GNAI1: variants seen among roughly 807,000 people sequenced by gnomAD.
GNAI1 encodes the protein guanine nucleotide-binding protein G(i) subunit alpha-1.
GNAI1 carries 11 observed loss-of-function variants against 38.9 expected under a neutral mutation model. The observed-to-expected ratio is 0.28, with a 90% CI of 0.18 to 0.47. The LOEUF (loss-of-function observed/expected upper bound fraction) is 0.47. Among genes scored for constraint, GNAI1 ranks in the 20% least tolerant of loss-of-function variants. The pLI, the probability that GNAI1 is intolerant of heterozygous loss-of-function variation, is 0.99. For missense variants in GNAI1, 317 were observed against 436.9 expected (o/e 0.73, Z 2.45); for synonymous variants, 166 against 145.1 (o/e 1.14, Z -1.04).
intron 1 of GNAI1, among the ~76,000 whole-genome samples, chr7:80,162,458 T>C (rs908135134): frequency 2.0e-5 from 3 of 152,222 alleles, no homozygotes; most frequent in African/African-American, 7.2e-5. Context: ...AATGTGCTTC[T>C]CAAACTGAAG....
At chr7:80,183,693 A>G (rs565352825) in intron 1 of GNAI1, among the ~76,000 whole-genome samples, 75 of 152,166 alleles carry the variant, frequency 4.9e-4, no homozygotes, top group African/African-American at 1.5e-3. Flanking sequence ...TTTGTTTTAA[A>G]CTTTACCAGC....
At position 80,219,300 on chromosome 7, in the gene GNAI1, G is replaced by T. The variant is rs1201001582; in HGVS notation, c.*1807G>T. The stretch of plus-strand genomic sequence containing the variant: ...AATCATGAGAATTATGGGTTAAAAA[G>T]CCACAAAGAAGCACATATTGGTGAC... On this transcript the variant is annotated 3_prime_UTR_variant, in exon 8 of 8. Transcript: ENST00000649796. 1 of 152,458 alleles carries T rather than the reference G, an allele frequency of 6.6e-6. No homozygotes were observed. The highest frequency in any genetic ancestry group is 2.4e-5 in the African/African-American group (1 of 41,394). 9.4% of individuals were successfully genotyped at this position (152,458 alleles called of 1,614,324 possible). A position where few individuals can be genotyped will look rare whatever the true frequency, so the allele number is the denominator to read the frequency against.
At chr7:80,164,625 T>G (rs1787983060) in intron 1 of GNAI1, among the ~76,000 whole-genome samples, 1 of 152,104 alleles carries the variant, frequency 6.6e-6, no homozygotes, top group South Asian at 2.1e-4. Flanking sequence ...GCCTCCCCAC[T>G]TTCTTTTTGA....
chr7:80,172,387 A>C (rs1788111389), intron 1 of GNAI1, among the ~76,000 whole-genome samples: 1 of 152,210 alleles, frequency 6.6e-6, no homozygotes, highest in Non-Finnish European at 1.5e-5. Flanking sequence ...TGCAGAGGGA[A>C]GTTTCCTTTG....
At chr7:80,151,989 C>CA (rs1206400599) in intron 1 of GNAI1, among the ~76,000 whole-genome samples, 3 of 152,220 alleles carry the variant, frequency 2.0e-5, no homozygotes, top group Non-Finnish European at 4.4e-5. Flanking sequence ...ATGAAGTTGA[C>CA]ATGTTTATTT....
intron 4 of GNAI1, among the ~76,000 whole-genome samples, chr7:80,200,613 G>C (rs1322756343): frequency 6.6e-6 from 1 of 152,082 alleles, no homozygotes; most frequent in Non-Finnish European, 1.5e-5. Flanking sequence ...ATAAATAAAT[G>C]AGGTGTGCCT....
At chr7:80,162,242 C>T (rs1787937406) in intron 1 of GNAI1, among the ~76,000 whole-genome samples, 1 of 152,108 alleles carries the variant, frequency 6.6e-6, no homozygotes. Context: ...CTTCTAGTTT[C>T]CAGAACTATC....
rs566711832 is a variant in GNAI1 at position 80,135,780 on chromosome 7, C to A, written c.118+502C>A. 1,363 of 983,582 alleles carry A rather than the reference C, an allele frequency of 1.4e-3. 1 individual carries two copies. Among genetic ancestry groups the A allele is most frequent in the Non-Finnish European group, 1.5e-3 (1,274 of 830,240 alleles). 60.9% of individuals were successfully genotyped at this position (983,582 alleles called of 1,614,324 possible). A position where few individuals can be genotyped will look rare whatever the true frequency, so the allele number is the denominator to read the frequency against. ...GAAATCAGTGCACCTTTTGTGGGGC[C>A]TCTGAGATGGGGCTGAAGCGTCTTT... is the stretch of plus-strand genomic sequence containing the variant. On this transcript the variant is annotated intron_variant, in intron 1 of 7. Coordinates refer to ENST00000649796, the MANE Select transcript of GNAI1 (RefSeq NM_002069.6).
chr7:80,200,966 G>A lies in GNAI1; in HGVS notation c.461+1584G>A, dbSNP rs1358583259. 2.6e-5 allele frequency among the ~76,000 whole-genome samples: 4 copies of A among 151,974 alleles called. No homozygotes were observed. The South Asian group carries it at 6.2e-4, about 24-fold the overall frequency. ...TCTTCAGCTTTACATTTATTTTGAG[G>A]TTATTTTGTTCCTGTTTATGTTGTG... On this transcript the variant is annotated intron_variant, in intron 4 of 7. Coordinates refer to ENST00000649796, the MANE Select transcript of GNAI1 (RefSeq NM_002069.6).
intron 6 of GNAI1, among the ~76,000 whole-genome samples, chr7:80,212,217 A>G (rs1413475398): frequency 4.6e-5 from 7 of 152,180 alleles, no homozygotes; most frequent in Non-Finnish European, 7.4e-5. Flanking sequence ...GCCCTCTTTG[A>G]TGAGCACAGA....
intron 1 of GNAI1, among the ~76,000 whole-genome samples, chr7:80,175,366 G>C (rs1026847201): frequency 6.8e-6 from 1 of 148,058 alleles, no homozygotes; most frequent in Non-Finnish European, 1.5e-5. Flanking sequence ...GTATATTTAT[G>C]TGTGTGTGTG....
chr7:80,168,542 C>T (rs1406837070), intron 1 of GNAI1, among the ~76,000 whole-genome samples: 1 of 152,122 alleles, frequency 6.6e-6, no homozygotes, highest in Non-Finnish European at 1.5e-5. Flanking sequence ...TGCCCGCCAC[C>T]ACGCCCGGCT....
chr7:80,190,603 T>C (rs946284054), intron 3 of GNAI1, among the ~76,000 whole-genome samples: 1 of 152,144 alleles, frequency 6.6e-6, no homozygotes, highest in African/African-American at 2.4e-5. Context: ...CTAAGCCTTT[T>C]TAATCTTTGT....
chr7:80,203,629 T>C, intron 4 of GNAI1, 75 bp from the exon 5 acceptor site: 4 of 899,282 alleles, frequency 4.4e-6, no homozygotes, highest in Non-Finnish European at 7.0e-6. Context: ...TTGAAATGTG[T>C]TTTAATTTTT....
chr7:80,217,171 GCA>G (rs1039480623), intron 7 of GNAI1, 130 bp from the exon 8 acceptor site: 3 of 191,862 alleles, frequency 1.6e-5, no homozygotes, highest in Non-Finnish European at 2.8e-5. Flanking sequence ...AGAAGGGAAA[GCA>G]CAGTTAAGGA....
rs186611862 is a variant in GNAI1 at position 80,224,025 on chromosome 7, C to A, written c.*6532C>A. Among the ~76,000 whole-genome samples the A allele has an allele frequency of 6.6e-6, 1 of 152,248 alleles. No homozygotes were observed. Among genetic ancestry groups the A allele is most frequent in the Non-Finnish European group, 1.5e-5 (1 of 68,008 alleles). On this transcript the variant is annotated 3_prime_UTR_variant, in exon 8 of 8. Transcript: ENST00000649796. Reference sequence around the variant, plus strand: ...TCTTTCTGAGAGCCCCACCTCTGATCCTCCTACACTTAAGGCTTCTAGATG... The same window carrying A: ...TCTTTCTGAGAGCCCCACCTCTGATACTCCTACACTTAAGGCTTCTAGATG...
intron 1 of GNAI1, among the ~76,000 whole-genome samples, chr7:80,140,765 C>T (rs963824315): frequency 6.6e-6 from 1 of 152,158 alleles, no homozygotes; most frequent in Non-Finnish European, 1.5e-5. Flanking sequence ...TTACCATAAA[C>T]GTAGTGACAA....
intron 1 of GNAI1, among the ~76,000 whole-genome samples, chr7:80,168,899 T>C (rs890748898): frequency 2.0e-5 from 3 of 152,220 alleles, no homozygotes; most frequent in Admixed American, 6.5e-5. Context: ...AAATATTTTA[T>C]TACAGGTTTT....
intron 1 of GNAI1, among the ~76,000 whole-genome samples, chr7:80,180,197 A>C (rs1312188835): frequency 1.3e-5 from 2 of 152,202 alleles, no homozygotes; most frequent in African/African-American, 4.8e-5. Context: ...CTGATGAAGA[A>C]AAACATCCTC....
Sources: gnomAD v4.1 joint callset for allele counts (sites outside exome capture counted in the v4.1 genomes callset) on GRCh38, gnomAD v4.1.1 for gene constraint, MANE v1.5 for transcripts, NCBI Gene and HGNC (gene_info 2026-07-23, HGNC 2026-07-21) for gene names.